ERBB4: variants seen among roughly 807,000 people sequenced by gnomAD.
ERBB4 encodes receptor tyrosine-protein kinase erbB-4.
A neutral mutation model predicts 158.0 loss-of-function variants in ERBB4; 42 were observed. The observed-to-expected ratio is 0.27, with a 90% CI of 0.21 to 0.34. The LOEUF (loss-of-function observed/expected upper bound fraction) is 0.34. ERBB4 is among the 10% of genes least tolerant of loss of function. The pLI is 1.00. For missense variants in ERBB4, 1,333 were observed against 1,624.1 expected (o/e 0.82, Z 3.08); for synonymous variants, 583 against 558.7 (o/e 1.04, Z -0.61).
At chr2:212,495,487 T>C (rs1690513139) in intron 1 of ERBB4, among the ~76,000 whole-genome samples, 1 of 152,202 alleles carries the variant, frequency 6.6e-6, no homozygotes, top group South Asian at 2.1e-4. Context: ...TAGCAACTAA[T>C]TAAAGGAACA....
At chr2:211,643,456 G>A (rs1046378660) in intron 16 of ERBB4, among the ~76,000 whole-genome samples, 4 of 152,000 alleles carry the variant, frequency 2.6e-5, no homozygotes, top group African/African-American at 9.7e-5. Flanking sequence ...AAACTATTGG[G>A]TGAAGCCATT....
chr2:212,453,911 A>G (rs1324389929), intron 1 of ERBB4, among the ~76,000 whole-genome samples: 2 of 151,662 alleles, frequency 1.3e-5, no homozygotes, highest in Non-Finnish European at 2.9e-5. Flanking sequence ...CAAATCTTCC[A>G]TATATAAACA....
At chr2:212,350,269 T>C (rs940276482) in intron 1 of ERBB4, among the ~76,000 whole-genome samples, 1 of 152,128 alleles carries the variant, frequency 6.6e-6, no homozygotes, top group African/African-American at 2.4e-5. Context: ...AACATAACTA[T>C]TTAGTTAAAG....
intron 2 of ERBB4, among the ~76,000 whole-genome samples, chr2:212,046,029 T>C (rs529608849): frequency 3.0e-4 from 46 of 152,268 alleles, no homozygotes; most frequent in African/African-American, 1.1e-3. Context: ...CTATCACAAT[T>C]CTCATGATCC....
At chr2:211,744,248 G>A (rs1367281463) in intron 5 of ERBB4, among the ~76,000 whole-genome samples, 1 of 152,004 alleles carries the variant, frequency 6.6e-6, no homozygotes, top group African/African-American at 2.4e-5. Context: ...GCTAACTGTG[G>A]CACCCAAAAA....
At chr2:212,530,078 CTAAGA>C (rs1433674334) in intron 1 of ERBB4, among the ~76,000 whole-genome samples, 1 of 152,116 alleles carries the variant, frequency 6.6e-6, no homozygotes, top group Non-Finnish European at 1.5e-5. Context: ...AGAATAAAAA[CTAAGA>C]TAATATTAGA....
intron 2 of ERBB4, among the ~76,000 whole-genome samples, chr2:212,009,252 T>A (rs952845237): frequency 6.6e-6 from 1 of 152,024 alleles, no homozygotes; most frequent in Non-Finnish European, 1.5e-5. Context: ...GATGTTAAGA[T>A]GAAATCATCC....
intron 2 of ERBB4, among the ~76,000 whole-genome samples, chr2:212,106,823 A>G (rs1436995879): frequency 6.6e-6 from 1 of 152,222 alleles, no homozygotes; most frequent in Non-Finnish European, 1.5e-5. Context: ...GGGCCAAGGT[A>G]GAGCTCAGGC....
intron 1 of ERBB4, among the ~76,000 whole-genome samples, chr2:212,293,408 GA>G (rs2086280341): frequency 6.6e-6 from 1 of 151,746 alleles, no homozygotes; most frequent in African/African-American, 2.4e-5. Flanking sequence ...TTCAATAATA[GA>G]AAAATAGCTC....
chr2:212,494,222 T>C (rs1322869469), intron 1 of ERBB4, among the ~76,000 whole-genome samples: 1 of 151,912 alleles, frequency 6.6e-6, no homozygotes, highest in African/African-American at 2.4e-5. Flanking sequence ...AATCAATGCC[T>C]TTGTGTATTG....
intron 1 of ERBB4, among the ~76,000 whole-genome samples, chr2:212,218,757 G>C (rs2083188172): frequency 6.6e-6 from 1 of 151,284 alleles, no homozygotes; most frequent in Non-Finnish European, 1.5e-5. Context: ...TCAATATCAT[G>C]GGATTTATCC....
chr2:211,740,672 G>A (rs2074761804), intron 5 of ERBB4, among the ~76,000 whole-genome samples: 1 of 130,672 alleles, frequency 7.7e-6, no homozygotes, highest in African/African-American at 3.0e-5. Context: ...CTGTCGCGGC[G>A]TGATCTTGGC....
At chr2:212,430,503 C>T (rs901436597) in intron 1 of ERBB4, among the ~76,000 whole-genome samples, 2 of 151,048 alleles carry the variant, frequency 1.3e-5, no homozygotes, top group Admixed American at 6.6e-5. Context: ...TGCAGTGGCG[C>T]GATCTTGGCT....
chr2:212,487,557 AT>A (rs111731479), intron 1 of ERBB4, among the ~76,000 whole-genome samples: 2,825 of 146,412 alleles, frequency 0.019, 42 homozygotes, highest in African/African-American at 0.04. Context: ...TTAGGCATGT[AT>A]TTTTTTTTTT....
chr2:211,912,200 G>C (rs184429196), intron 3 of ERBB4, among the ~76,000 whole-genome samples: 6 of 152,112 alleles, frequency 3.9e-5, no homozygotes, highest in African/African-American at 9.7e-5. Context: ...GAAAAAGGGA[G>C]TAAAGGAGGA....
chr2:212,147,275 G>T (rs1040902288), intron 1 of ERBB4, among the ~76,000 whole-genome samples: 2 of 142,338 alleles, frequency 1.4e-5, no homozygotes, highest in Non-Finnish European at 3.0e-5. Context: ...TAAGTGTTTG[G>T]ACTACAGGCG....
At chr2:211,575,075 C>T (rs187202868) in intron 19 of ERBB4, among the ~76,000 whole-genome samples, 1 of 152,256 alleles carries the variant, frequency 6.6e-6, no homozygotes, top group African/African-American at 2.4e-5. Context: ...TTCTAAATTC[C>T]TTAAGTAGCC....
intron 3 of ERBB4, among the ~76,000 whole-genome samples, chr2:211,918,039 C>A (rs2079749042): frequency 6.6e-6 from 1 of 152,138 alleles, no homozygotes. Flanking sequence ...CCTGACAGAA[C>A]TTTGAAAGTC....
At chr2:212,529,270 T>C (rs1256318382) in intron 1 of ERBB4, among the ~76,000 whole-genome samples, 1 of 152,152 alleles carries the variant, frequency 6.6e-6, no homozygotes, top group Non-Finnish European at 1.5e-5. Context: ...ATAATAGCCA[T>C]TAACATTAAA....
Sources: allele counts gnomAD v4.1 joint callset (sites outside exome capture counted in the v4.1 genomes callset), GRCh38; gene constraint gnomAD v4.1.1; transcripts MANE v1.5; gene names NCBI Gene and HGNC (gene_info 2026-07-23, HGNC 2026-07-21).